Variants in ZFP28 observed in about 807,000 individuals in gnomAD.
ZFP28 encodes the protein ZFP28 zinc finger protein.
ZFP28 carries 31 observed loss-of-function variants against 39.5 expected under a neutral mutation model. That is an observed-to-expected ratio of 0.79 (90% confidence interval 0.59 to 1.06). The LOEUF (loss-of-function observed/expected upper bound fraction) is 1.06, where lower values mean the gene tolerates loss of function less well. ZFP28 is among the 50% of genes least tolerant of loss of function. The pLI, the probability that ZFP28 is intolerant of heterozygous loss-of-function variation, is 0.00. For missense variants in ZFP28, 925 were observed against 1,048.4 expected (o/e 0.88, Z 1.63); for synonymous variants, 400 against 378.6 (o/e 1.06, Z -0.66).
Position 56,547,395 on chromosome 19 carries a change from TAGG to T in ZFP28, c.301-110_301-108del. 1 of 1,465,904 alleles carries T rather than the reference TAGG, an allele frequency of 6.8e-7. No homozygotes were observed. The highest frequency in any genetic ancestry group is 9.4e-7 in the Non-Finnish European group (1 of 1,063,602). 90.8% of individuals were successfully genotyped at this position (1,465,904 alleles called of 1,614,324 possible). Reference sequence around the variant, plus strand: ...AGTCACATTCAAAAGTACTGGGGATTAGGAGTTTAATGTAGGAGTTTTGTCAGG... The same window carrying T: ...AGTCACATTCAAAAGTACTGGGGATTAGTTTAATGTAGGAGTTTTGTCAGG... On this transcript the variant is annotated intron_variant, in intron 2 of 7. Transcript: ENST00000301318. The surrounding 1 kb of genome is among the most constrained non-coding windows in gnomAD (Gnocchi z 4.6).
In ZFP28 at chr19:56,555,313, C is replaced by T. The variant is rs778527800; in HGVS notation, c.2528C>T (p.Pro843Leu). Residue 843 changes from proline (P) to leucine (L), a missense_variant, in exon 8 of 8, where the codon CCC becomes CTC. Transcript: ENST00000301318. ...CATACTGGAGAGTCGTCAACATGCCCCTCTTTACCTTCCACGTCAAATCCT... is the reference window on the plus strand; with the variant it reads ...CATACTGGAGAGTCGTCAACATGCCTCTCTTTACCTTCCACGTCAAATCCT... The part of the protein sequence containing the change: ...RIHTGESSTC[P>L]SLPSTSNPVD... 4 of 1,614,046 alleles carry T rather than the reference C, an allele frequency of 2.5e-6. No homozygotes were observed. In the Admixed American group the frequency reaches 5.0e-5, roughly 20 times the overall value.
At chr19:56,543,718 G>A (rs1392898641) in intron 2 of ZFP28, among the ~76,000 whole-genome samples, 1 of 152,186 alleles carries the variant, frequency 6.6e-6, no homozygotes, top group South Asian at 2.1e-4. Context: ...ACAGGAATAA[G>A]AACAGGACCT....
At chr19:56,537,318 C>A (rs1348279909), upstream of ZFP28, among the ~76,000 whole-genome samples, 1 of 150,032 alleles carries the variant, frequency 6.7e-6, no homozygotes, top group Non-Finnish European at 1.5e-5. Flanking sequence ...GTGTCATACC[C>A]AAGCAGGAAG....
intron 2 of ZFP28, among the ~76,000 whole-genome samples, chr19:56,543,391 T>TAC (rs398038498): frequency 6.8e-6 from 1 of 147,850 alleles, no homozygotes; most frequent in Non-Finnish European, 1.5e-5. Flanking sequence ...TATATATATA[T>TAC]GTATATATAA....
At chr19:56,553,651 A>G in intron 7 of ZFP28, 33 bp from the exon 8 acceptor site, 1 of 1,529,226 alleles carries the variant, frequency 6.5e-7, no homozygotes, top group Non-Finnish European at 8.8e-7. Flanking sequence ...AGCACACGAA[A>G]AAGGAAATAT....
At chr19:56,537,841 GT>G (rs1410881031), upstream of ZFP28, 1 of 152,368 alleles carries the variant, frequency 6.6e-6, no homozygotes, top group Non-Finnish European at 1.5e-5. Flanking sequence ...ATCACTGCCT[GT>G]GAGCCAGCAA....
Position 56,548,990 on chromosome 19 carries a change from C to T in ZFP28, c.556C>T (p.Pro186Ser), listed in dbSNP as rs1434496579. 5 of 1,613,968 alleles carry T rather than the reference C, an allele frequency of 3.1e-6. No homozygotes were observed. The Middle Eastern group carries it at 6.6e-4, about 213-fold the overall frequency. Residue 186 changes from proline to serine, a missense_variant, in exon 5 of 8, where the codon CCT becomes TCT. This residue lies in a region of ZFP28 where 556 missense variants were observed against 542.9 expected (regional missense o/e 1.02). Transcript: ENST00000301318. ...LKAVWKIKELPLKKDFCEGKL... is the reference protein window; with the variant it reads ...LKAVWKIKELSLKKDFCEGKL... ...GGCTGTGTGGAAGATCAAGGAGTTA[C>T]CTCTCAAGAAGGACTTCTGCGAAGG...
rs767596103 is a variant in ZFP28 at position 56,554,198 on chromosome 19, T to A, written c.1413T>A (p.Thr471=). 3.7e-6 allele frequency: 6 copies of A among 1,614,172 alleles called. No individual in the cohort carries two copies. Among genetic ancestry groups the A allele is most frequent in the Non-Finnish European group, 5.1e-6 (6 of 1,180,018 alleles). ...SSFARHQRCH[T]GKKPYECIEC... ...TTGCCCGACACCAGAGATGTCACAC[T>A]GGCAAGAAGCCCTATGAGTGCATTG... The change falls in exon 8 of 8, where the codon ACT becomes ACA. Residue 471 remains threonine (T), a synonymous_variant. Coordinates refer to ENST00000301318, the MANE Select transcript of ZFP28 (RefSeq NM_020828.2). The surrounding 1 kb of genome is among the most constrained non-coding windows in gnomAD (Gnocchi z 6.7).
rs2044332580 is a variant in ZFP28, at chr19:56,554,413, G to T, written c.1628G>T (p.Arg543Met). The change falls in exon 8 of 8, where the codon AGG becomes ATG. Residue 543 changes from arginine (R) to methionine (M), a missense_variant. By Grantham distance (91) the Arg-to-Met change is moderately conservative. This residue lies in a region of ZFP28 where 369 missense variants were observed against 505.5 expected (regional missense o/e 0.73). Transcript: ENST00000301318. This position sits in a 1 kb window ranked among gnomAD's most constrained non-coding sequence, Gnocchi z 6.7. ...TGTGATGTATGTCACAAATCCTTCA[G>T]GTATGGTTCCTCCCTTACTGTACAT... is the stretch of plus-strand genomic sequence containing the variant. Reference protein sequence around the residue: ...YKCDVCHKSFRYGSSLTVHQR... With the variant: ...YKCDVCHKSFMYGSSLTVHQR... 1.2e-6 allele frequency: 2 copies of T among 1,614,000 alleles called. No homozygotes were observed. The highest frequency in any genetic ancestry group is 2.7e-5 in the African/African-American group (2 of 74,906).
At chr19:56,538,845 T>C (rs949723741), upstream of ZFP28, 7 of 75,004 alleles carry the variant, frequency 9.3e-5, no homozygotes, top group African/African-American at 1.2e-3. Flanking sequence ...CGGGGAGGGG[T>C]GGGGAGGGGC....
In ZFP28 at chr19:56,548,971, G is replaced by C. The variant is rs149162485; in HGVS notation, c.537G>C (p.Val179=). ...TRAWCPDLKA[V]WKIKELPLKK... is the part of the protein sequence containing the mutation. Reference sequence around the variant, plus strand: ...TACGTCTTTCAGACTTGAAGGCTGTGTGGAAGATCAAGGAGTTACCTCTCA... The same window carrying C: ...TACGTCTTTCAGACTTGAAGGCTGTCTGGAAGATCAAGGAGTTACCTCTCA... The change falls in exon 5 of 8, where the codon GTG becomes GTC. Residue 179 remains valine, a synonymous_variant. Transcript: ENST00000301318. 949 of 1,613,620 alleles carry C rather than the reference G, an allele frequency of 5.9e-4. 5 individuals carry two copies. The highest frequency in any genetic ancestry group is 2.1e-3 in the South Asian group (194 of 90,970).
intron 2 of ZFP28, among the ~76,000 whole-genome samples, chr19:56,542,453 A>T (rs1293678782): frequency 6.6e-6 from 1 of 152,162 alleles, no homozygotes; most frequent in African/African-American, 2.4e-5. Context: ...GCGCCCAGAC[A>T]ATAATTGTAT....
Position 56,547,792 on chromosome 19 carries a change from T to G in ZFP28, c.428-15T>G. 6.2e-7 allele frequency: 1 copy of G among 1,613,922 alleles called. No individual in the cohort carries two copies. The highest frequency in any genetic ancestry group is 8.5e-7 in the Non-Finnish European group (1 of 1,179,894). On this transcript the variant is annotated splice_polypyrimidine_tract_variant and intron_variant, in intron 3 of 7. Coordinates refer to ENST00000301318, the MANE Select transcript of ZFP28 (RefSeq NM_020828.2). This position sits in a 1 kb window ranked among gnomAD's most constrained non-coding sequence, Gnocchi z 4.6. ...CAGCCACACAGTATGACCAGGTTGT[T>G]TTTTATGTGTCTAGGACTTTGTGTT...
Position 56,542,445 on chromosome 19 carries a change from G to A in ZFP28, c.300+2729G>A, listed in dbSNP as rs2044203754. On this transcript the variant is annotated intron_variant, in intron 2 of 7. Coordinates refer to ENST00000301318, the MANE Select transcript of ZFP28 (RefSeq NM_020828.2). ...TGCGATTAGAGGTGTGATTCCCCGC[G>A]CCCAGACAATAATTGTATTTTCAGT... Among the ~76,000 whole-genome samples, 5 of 152,174 alleles carry A rather than the reference G, an allele frequency of 3.3e-5. No homozygotes were observed. In the South Asian group the frequency reaches 1.0e-3, roughly 31 times the overall value.
chr19:56,538,850 AGGGGCGGGGCGCGGCCGGGG>A (rs2044162946), upstream of ZFP28: 1 of 111,336 alleles, frequency 9.0e-6, no homozygotes, highest in Admixed American at 5.6e-4. Flanking sequence ...AGGGGTGGGG[AGGGGCGGGGCGCGGCCGGGG>A]GCGGGGCGGC....
At chr19:56,551,904 C>G in intron 7 of ZFP28, 1 of 983,062 alleles carries the variant, frequency 1.0e-6, no homozygotes, top group Non-Finnish European at 1.2e-6. Context: ...TATATTGTCT[C>G]AAACTATTTT....
At position 56,547,853 on chromosome 19, in the gene ZFP28, A is replaced by G. The variant is rs780497166; in HGVS notation, c.474A>G (p.Gly158=). The change falls in exon 4 of 8, where the codon GGA becomes GGG. Residue 158 remains glycine, a synonymous_variant. Coordinates refer to ENST00000301318, the MANE Select transcript of ZFP28 (RefSeq NM_020828.2). This position sits in a 1 kb window ranked among gnomAD's most constrained non-coding sequence, Gnocchi z 4.6. ...KPDVISSLEQ[G]KEPWTVKRKM... Reference sequence around the variant, plus strand: ...ATGTGATCTCCTCGTTGGAACAAGGAAAAGAGCCTTGGACAGTGAAGCGAA... The same window carrying G: ...ATGTGATCTCCTCGTTGGAACAAGGGAAAGAGCCTTGGACAGTGAAGCGAA... 6.2e-7 allele frequency: 1 copy of G among 1,614,136 alleles called. No homozygotes were observed. Among genetic ancestry groups the G allele is most frequent in the South Asian group, 1.1e-5 (1 of 91,076 alleles).
At position 56,550,555 on chromosome 19, in the gene ZFP28, A is replaced by C; in HGVS notation, c.848A>C (p.Glu283Ala). The C allele has an allele frequency of 6.2e-7, 1 of 1,614,174 alleles. No homozygotes were observed. Among genetic ancestry groups the C allele is most frequent in the South Asian group, 1.1e-5 (1 of 91,082 alleles). The stretch of plus-strand genomic sequence containing the variant: ...GATTTAGTCTCTTTACTAGAGCAAG[A>C]GAAGGAGCCCTGGATGGTGAAGCGA... ...KPDLVSLLEQ[E>A]KEPWMVKREL... Residue 283 changes from glutamate (E) to alanine (A), a missense_variant, in exon 7 of 8, where the codon GAG becomes GCG. By Grantham distance (107) the Glu-to-Ala change is moderately radical. Around this residue, in one of 2 missense-constraint regions of ZFP28, gnomAD observed 556 missense variants for 542.9 expected, o/e 1.02. Transcript: ENST00000301318.
rs778066649 is a variant in ZFP28, at chr19:56,539,699, C to T, written c.283C>T (p.Pro95Ser). ...KLEAVGTGIE[P>S]KAMSQGLVTF... ...GGAGGCTGTGGGGACAGGAATTGAACCTAAAGCCATGTCCCAGGTGAGTTG... is the reference window on the plus strand; with the variant it reads ...GGAGGCTGTGGGGACAGGAATTGAATCTAAAGCCATGTCCCAGGTGAGTTG... The change falls in exon 2 of 8, where the codon CCT becomes TCT. Residue 95 changes from proline (P) to serine (S), a missense_variant. By Grantham distance (74) the Pro-to-Ser change is moderately conservative. This residue lies in a region of ZFP28 where 556 missense variants were observed against 542.9 expected (regional missense o/e 1.02). Coordinates refer to ENST00000301318, the MANE Select transcript of ZFP28 (RefSeq NM_020828.2). 1 of 1,614,098 alleles carries T rather than the reference C, an allele frequency of 6.2e-7. No individual in the cohort carries two copies. Among genetic ancestry groups the T allele is most frequent in the East Asian group, 2.2e-5 (1 of 44,872 alleles).
Sources: gnomAD v4.1 joint callset for allele counts (sites outside exome capture counted in the v4.1 genomes callset) on GRCh38, gnomAD v4.1.1 for gene constraint, gnomAD v4.1.1 regional missense constraint, Gnocchi (gnomAD v3.1) non-coding constraint, MANE v1.5 for transcripts, NCBI Gene and HGNC (gene_info 2026-07-23, HGNC 2026-07-21) for gene names.